The following INTS5 variants were observed in gnomAD, a reference collection of about 807,000 sequenced individuals.
INTS5 encodes the protein integrator complex subunit 5.
Under a neutral mutation model 60.0 loss-of-function variants are expected in INTS5, and 29 were observed. That is an observed-to-expected ratio of 0.48 (90% confidence interval 0.36 to 0.66). The LOEUF is 0.66. Ranked by LOEUF, INTS5 falls within the 30% of genes least tolerant of loss-of-function variation. INTS5 has a pLI of 0.00. For missense variants in INTS5, 1,129 were observed against 1,307.9 expected (o/e 0.86, Z 2.11); for synonymous variants, 588 against 558.8 (o/e 1.05, Z -0.74).
At chr11:62,650,779 C>T (rs1324770495) in intron 1 of INTS5, among the ~76,000 whole-genome samples, 1 of 152,122 alleles carries the variant, frequency 6.6e-6, no homozygotes, top group Non-Finnish European at 1.5e-5. Flanking sequence ...AAGATCACAG[C>T]TCACTGCAGT....
Position 62,649,001 on chromosome 11 carries a change from A to T in INTS5, c.1079T>A (p.Val360Glu), listed in dbSNP as rs1240995643. The T allele has an allele frequency of 6.2e-7, 1 of 1,613,358 alleles. No homozygotes were observed. The highest frequency in any genetic ancestry group is 8.5e-7 in the Non-Finnish European group (1 of 1,179,804). Residue 360 changes from valine (V) to glutamate (E), a missense_variant, in exon 2 of 2, where the codon GTG becomes GAG. Transcript: ENST00000330574. This position sits in a 1 kb window ranked among gnomAD's most constrained non-coding sequence, Gnocchi z 6.0. ...CACAGCTGGGGGCTTGAGGCAATCC[A>T]CAAGCTCTCCAGAGACAGTGCCCAG... The part of the protein sequence containing the change: ...ALLGTVSGEL[V>E]DCLKPPAVLS...
chr11:62,653,100 T>C (rs1944609221), intron 1 of INTS5, 70 bp downstream of exon 1: 1 of 983,942 alleles, frequency 1.0e-6, no homozygotes, highest in Non-Finnish European at 1.3e-6. Flanking sequence ...GGATCCGGGT[T>C]TCTACCGAGA....
Position 62,648,689 on chromosome 11 carries a change from G to A in INTS5, c.1391C>T (p.Pro464Leu), listed in dbSNP as rs191227720. 192 of 1,614,090 alleles carry A rather than the reference G, an allele frequency of 1.2e-4. No individual in the cohort carries two copies. Among genetic ancestry groups the A allele is most frequent in the Admixed American group, 4.2e-4 (25 of 60,032 alleles). Residue 464 changes from proline (P) to leucine (L), a missense_variant, in exon 2 of 2, where the codon CCG becomes CTG. Pro to Leu is a moderately conservative substitution (Grantham distance 98, BLOSUM62 -3). Coordinates refer to ENST00000330574, the MANE Select transcript of INTS5 (RefSeq NM_030628.2). This position sits in a 1 kb window ranked among gnomAD's most constrained non-coding sequence, Gnocchi z 4.4. ...GGGCACCAAGCGGGGAGGTGGGGGC[G>A]GGCCTAGCACCCCTTCCCCAGGAGA... ...GGSPGEGVLG[P>L]PPPPRLVPFL...
chr11:62,648,757 C>T lies in INTS5; in HGVS notation c.1323G>A (p.Leu441=). 6.2e-7 allele frequency: 1 copy of T among 1,614,202 alleles called. No individual in the cohort carries two copies. Among genetic ancestry groups the T allele is most frequent in the Non-Finnish European group, 8.5e-7 (1 of 1,180,034 alleles). ...CCAGTTTTTGCAGGTGCAGCAGCAGCAGCTGGATTAGCCGGTCACAAGCCT... is the reference window on the plus strand; with the variant it reads ...CCAGTTTTTGCAGGTGCAGCAGCAGTAGCTGGATTAGCCGGTCACAAGCCT... ...VREACDRLIQ[L]LLLHLQKLVH... is the part of the protein sequence containing the mutation. Residue 441 remains leucine, a synonymous_variant, in exon 2 of 2, where the codon CTG becomes CTA. Transcript: ENST00000330574. The surrounding 1 kb of genome is among the most constrained non-coding windows in gnomAD (Gnocchi z 4.4).
Position 62,647,673 on chromosome 11 carries a change from T to C in INTS5, c.2407A>G (p.Ile803Val). 1 of 1,614,096 alleles carries C rather than the reference T, an allele frequency of 6.2e-7. No homozygotes were observed. ...TECGECWGAP[I>V]LSPEAAKAVA... is the part of the protein sequence containing the mutation. ...GCTTTGGCTGCCTCTGGACTCAAGA[T>C]GGGTGCCCCCCAGCATTCCCCACAT... Residue 803 changes from isoleucine to valine, a missense_variant, in exon 2 of 2, where the codon ATC becomes GTC. This residue lies in a region of INTS5 where 1,070 missense variants were observed against 1,246.1 expected (regional missense o/e 0.86). Coordinates refer to ENST00000330574, the MANE Select transcript of INTS5 (RefSeq NM_030628.2).
At chr11:62,651,051 A>G (rs1232916004) in intron 1 of INTS5, among the ~76,000 whole-genome samples, 1 of 151,660 alleles carries the variant, frequency 6.6e-6, no homozygotes, top group Non-Finnish European at 1.5e-5. Context: ...GGCCTGAGGG[A>G]AAAAAAAGCA....
intron 1 of INTS5, among the ~76,000 whole-genome samples, chr11:62,652,675 CT>C (rs1416936368): frequency 2.0e-5 from 3 of 152,142 alleles, no homozygotes; most frequent in Non-Finnish European, 4.4e-5. Flanking sequence ...GGCAAATCCC[CT>C]TTCTCTTATC....
chr11:62,648,343 T>G lies in INTS5; in HGVS notation c.1737A>C (p.Ala579=), dbSNP rs1379038760. 6.2e-7 allele frequency: 1 copy of G among 1,613,806 alleles called. No individual in the cohort carries two copies. The highest frequency in any genetic ancestry group is 8.5e-7 in the Non-Finnish European group (1 of 1,179,978). The part of the protein sequence containing the change: ...PFTARFLRNL[A]LLVGWEQQGG... Reference sequence around the variant, plus strand: ...CCTGCTGTTCCCACCCTACTAGCAGTGCCAAGTTGCGCAGGAACCGGGCCG... The same window carrying G: ...CCTGCTGTTCCCACCCTACTAGCAGGGCCAAGTTGCGCAGGAACCGGGCCG... The change falls in exon 2 of 2, where the codon GCA becomes GCC. Residue 579 remains alanine (A), a synonymous_variant. Transcript: ENST00000330574. The surrounding 1 kb of genome is among the most constrained non-coding windows in gnomAD (Gnocchi z 4.4).
chr11:62,648,617 G>A lies in INTS5; in HGVS notation c.1463C>T (p.Thr488Met), dbSNP rs139033601. 1.1e-5 allele frequency: 18 copies of A among 1,614,058 alleles called. No individual in the cohort carries two copies. The highest frequency in any genetic ancestry group is 1.6e-4 in the Middle Eastern group (1 of 6,062). Residue 488 changes from threonine to methionine, a missense_variant, in exon 2 of 2, where the codon ACG becomes ATG. Around this residue, in one of 3 missense-constraint regions of INTS5, gnomAD observed 1,070 missense variants for 1,246.1 expected, o/e 0.86. Coordinates refer to ENST00000330574, the MANE Select transcript of INTS5 (RefSeq NM_030628.2). This position sits in a 1 kb window ranked among gnomAD's most constrained non-coding sequence, Gnocchi z 4.4. ...KNHVGELCGE[T>M]LRLERKRFLW... ...GAAGCGCTTCCGTTCCAATCGTAAC[G>A]TCTCTCCACACAGCTCTCCAACATG... is the stretch of plus-strand genomic sequence containing the variant.
intron 1 of INTS5, among the ~76,000 whole-genome samples, chr11:62,652,828 A>T (rs777944648): frequency 6.6e-6 from 1 of 152,144 alleles, no homozygotes; most frequent in Non-Finnish European, 1.5e-5. Flanking sequence ...CTGGGTTCTC[A>T]GGGAGTCTCT....
chr11:62,652,644 G>C (rs1425437756), intron 1 of INTS5, among the ~76,000 whole-genome samples: 1 of 152,166 alleles, frequency 6.6e-6, no homozygotes, highest in Non-Finnish European at 1.5e-5. Context: ...CAGAGGTTCA[G>C]AAGCCAATGT....
In INTS5 at chr11:62,646,878, G is replaced by GAA; in HGVS notation, c.*140_*141dup. 37 of 719,254 alleles carry GAA rather than the reference G, an allele frequency of 5.1e-5. No individual in the cohort carries two copies. The highest frequency in any genetic ancestry group is 7.6e-5 in the Non-Finnish European group (35 of 463,464). 44.6% of individuals were successfully genotyped at this position (719,254 alleles called of 1,614,324 possible). ...TTCTCAAGTTGGCAAATTTTATTTA[G>GAA]AAAAAAAAAAGTGGGAGAGAAAAAA... On this transcript the variant is annotated 3_prime_UTR_variant, in exon 2 of 2. Transcript: ENST00000330574.
Position 62,649,299 on chromosome 11 carries a change from C to A in INTS5, c.781G>T (p.Gly261Cys), listed in dbSNP as rs1414867764. 6.2e-7 allele frequency: 1 copy of A among 1,613,996 alleles called. No homozygotes were observed. The highest frequency in any genetic ancestry group is 8.5e-7 in the Non-Finnish European group (1 of 1,180,020). Residue 261 changes from glycine (G) to cysteine (C), a missense_variant, in exon 2 of 2, where the codon GGC becomes TGC. Coordinates refer to ENST00000330574, the MANE Select transcript of INTS5 (RefSeq NM_030628.2). This position sits in a 1 kb window ranked among gnomAD's most constrained non-coding sequence, Gnocchi z 6.0. ...CVHGGAGGGA[G>C]SSGGSSSQTP... Reference sequence around the variant, plus strand: ...TGAGAAGAGCTTCCACCACTACTGCCAGCTCCACCTCCAGCCCCACCATGG... The same window carrying A: ...TGAGAAGAGCTTCCACCACTACTGCAAGCTCCACCTCCAGCCCCACCATGG...
At chr11:62,652,421 G>GA (rs527714522) in intron 1 of INTS5, among the ~76,000 whole-genome samples, 1,763 of 144,816 alleles carry the variant, frequency 0.012, 20 homozygotes, top group African/African-American at 0.028. Context: ...CTCTTAATGG[G>GA]AAAAAAAAAA....
Position 62,647,381 on chromosome 11 carries a change from G to A in INTS5, c.2699C>T (p.Ser900Phe), listed in dbSNP as rs1944532505. 2 of 1,613,206 alleles carry A rather than the reference G, an allele frequency of 1.2e-6. No individual in the cohort carries two copies. The highest frequency in any genetic ancestry group is 1.7e-6 in the Non-Finnish European group (2 of 1,179,704). Residue 900 changes from serine (S) to phenylalanine (F), a missense_variant, in exon 2 of 2, where the codon TCC becomes TTC. Around this residue, in one of 3 missense-constraint regions of INTS5, gnomAD observed 1,070 missense variants for 1,246.1 expected, o/e 0.86. Coordinates refer to ENST00000330574, the MANE Select transcript of INTS5 (RefSeq NM_030628.2). Reference protein sequence around the residue: ...EASRHPDTTHSPWHLEASCTL... With the variant: ...EASRHPDTTHFPWHLEASCTL... ...GCAGGATGCCTCCAGGTGCCAGGGGGAGTGGGTCGTGTCAGGGTGGCGAGA... is the reference window on the plus strand; with the variant it reads ...GCAGGATGCCTCCAGGTGCCAGGGGAAGTGGGTCGTGTCAGGGTGGCGAGA...
At position 62,648,203 on chromosome 11, in the gene INTS5, G is replaced by A; in HGVS notation, c.1877C>T (p.Ala626Val). 5 of 1,612,374 alleles carry A rather than the reference G, an allele frequency of 3.1e-6. No individual in the cohort carries two copies. The highest frequency in any genetic ancestry group is 4.2e-6 in the Non-Finnish European group (5 of 1,178,792). Residue 626 changes from alanine to valine, a missense_variant, in exon 2 of 2, where the codon GCC becomes GTC. Physicochemically the swap from Ala to Val is moderately conservative, Grantham distance 64. Around this residue, in one of 3 missense-constraint regions of INTS5, gnomAD observed 1,070 missense variants for 1,246.1 expected, o/e 0.86. Coordinates refer to ENST00000330574, the MANE Select transcript of INTS5 (RefSeq NM_030628.2). This position sits in a 1 kb window ranked among gnomAD's most constrained non-coding sequence, Gnocchi z 4.4. ...AAAGGGACAAATGGCCAGGAGAGAG[G>A]CAGCAGCTTCAGCTACTTCCTCCTC... ...HPEEEVAEAA[A>V]SLLAICPFPS...
rs1408320996 is a variant in INTS5 at position 62,647,450 on chromosome 11, A to T, written c.2630T>A (p.Leu877Gln). Reference protein sequence around the residue: ...APPALCYCSVLLRGLLAALLG... With the variant: ...APPALCYCSVQLRGLLAALLG... ...GAGGGCGGCCAGCAGCCCCCGAAGC[A>T]GCACGGAACAGTAGCACAGGGCTGG... Residue 877 changes from leucine (L) to glutamine (Q), a missense_variant, in exon 2 of 2, where the codon CTG becomes CAG. Leu to Gln is a moderately radical substitution (Grantham distance 113, BLOSUM62 -2). This residue lies in a region of INTS5 where 1,070 missense variants were observed against 1,246.1 expected (regional missense o/e 0.86). Coordinates refer to ENST00000330574, the MANE Select transcript of INTS5 (RefSeq NM_030628.2). The T allele has an allele frequency of 6.2e-7, 1 of 1,606,648 alleles. No individual in the cohort carries two copies. The highest frequency in any genetic ancestry group is 8.5e-7 in the Non-Finnish European group (1 of 1,175,438).
Position 62,649,565 on chromosome 11 carries a change from G to C in INTS5, c.515C>G (p.Ala172Gly), listed in dbSNP as rs1170301695. ...QHQRVPHATG[A>G]LNELLQLWMG... ...CCACAGCTGTAGCAGTTCATTAAGA[G>C]CGCCAGTAGCGTGGGGAACACGCTG... Residue 172 changes from alanine to glycine, a missense_variant, in exon 2 of 2, where the codon GCT becomes GGT. Physicochemically the swap from Ala to Gly is moderately conservative, Grantham distance 60. Coordinates refer to ENST00000330574, the MANE Select transcript of INTS5 (RefSeq NM_030628.2). The surrounding 1 kb of genome is among the most constrained non-coding windows in gnomAD (Gnocchi z 6.0). 5.0e-6 allele frequency: 8 copies of C among 1,614,196 alleles called. No individual in the cohort carries two copies. Among genetic ancestry groups the C allele is most frequent in the Non-Finnish European group, 6.8e-6 (8 of 1,180,022 alleles).
Position 62,648,222 on chromosome 11 carries a change from C to T in INTS5, c.1858G>A (p.Glu620Lys). 1 of 1,613,710 alleles carries T rather than the reference C, an allele frequency of 6.2e-7. No individual in the cohort carries two copies. The highest frequency in any genetic ancestry group is 8.5e-7 in the Non-Finnish European group (1 of 1,179,926). The change falls in exon 2 of 2, where the codon GAA becomes AAA. Residue 620 changes from glutamate (E) to lysine (K), a missense_variant. Physicochemically the swap from Glu to Lys is moderately conservative, Grantham distance 56 (BLOSUM62 1). Coordinates refer to ENST00000330574, the MANE Select transcript of INTS5 (RefSeq NM_030628.2). The surrounding 1 kb of genome is among the most constrained non-coding windows in gnomAD (Gnocchi z 4.4). Reference protein sequence around the residue: ...LAPLLLHPEEEVAEAAASLLA... With the variant: ...LAPLLLHPEEKVAEAAASLLA... Reference sequence around the variant, plus strand: ...AGAGAGGCAGCAGCTTCAGCTACTTCCTCCTCAGGATGTAGCAGGAGAGGA... The same window carrying T: ...AGAGAGGCAGCAGCTTCAGCTACTTTCTCCTCAGGATGTAGCAGGAGAGGA...
Sources: allele counts gnomAD v4.1 joint callset (sites outside exome capture counted in the v4.1 genomes callset), GRCh38; gene constraint gnomAD v4.1.1; regional missense constraint gnomAD v4.1.1; non-coding constraint Gnocchi (gnomAD v3.1); transcripts MANE v1.5; gene names NCBI Gene and HGNC (gene_info 2026-07-23, HGNC 2026-07-21).